The following UBE3C variants were observed in gnomAD, a reference collection of about 807,000 sequenced individuals.
UBE3C encodes ubiquitin protein ligase E3C.
Under a neutral mutation model 129.4 loss-of-function variants are expected in UBE3C, and 42 were observed. The ratio of observed to expected loss-of-function variants is 0.32; its 90% CI spans 0.25 to 0.42. The LOEUF is 0.42. Ranked by LOEUF, UBE3C falls within the 10% of genes least tolerant of loss-of-function variation. The pLI is 1.00. For missense variants in UBE3C, 1,049 were observed against 1,319.1 expected (o/e 0.80, Z 3.17); for synonymous variants, 510 against 492.4 (o/e 1.04, Z -0.47).
chr7:157,234,005 C>T (rs1321777985), intron 18 of UBE3C, among the ~76,000 whole-genome samples: 1 of 152,174 alleles, frequency 6.6e-6, no homozygotes, highest in Non-Finnish European at 1.5e-5. Context: ...TATTCAAGTC[C>T]ATTGCCTATT....
chr7:157,227,320 G>C (rs1045170336), intron 17 of UBE3C, among the ~76,000 whole-genome samples: 2 of 152,092 alleles, frequency 1.3e-5, no homozygotes, highest in African/African-American at 4.8e-5. Flanking sequence ...TGTGGTCAGG[G>C]GTACTTGCAA....
At position 157,207,539 on chromosome 7, in the gene UBE3C, C is replaced by T. The variant is rs780393837; in HGVS notation, c.1560C>T (p.Phe520=). ...SLISIHDNEF[F]GDPIEVVGQR... ...TTTCCATACATGATAACGAATTCTT[C>T]GGTGATCCCATAGAAGGTAAGGATT... The change falls in exon 12 of 23, where the codon TTC becomes TTT. Residue 520 remains phenylalanine (F), a synonymous_variant. Transcript: ENST00000348165. 1.2e-5 allele frequency: 19 copies of T among 1,612,570 alleles called. No homozygotes were observed. The highest frequency in any genetic ancestry group is 8.8e-5 in the South Asian group (8 of 90,512).
chr7:157,157,557 G>A (rs1807945387), intron 1 of UBE3C, among the ~76,000 whole-genome samples: 1 of 151,872 alleles, frequency 6.6e-6, no homozygotes, highest in South Asian at 2.1e-4. Context: ...AAATTCAAAT[G>A]CACATAGCCT....
chr7:157,169,006 A>T (rs1460405066), intron 2 of UBE3C, 42 bp from the exon 3 acceptor site: 1 of 1,525,154 alleles, frequency 6.6e-7, no homozygotes, highest in African/African-American at 1.4e-5. Context: ...TTTTCACTGG[A>T]TTCTGACCAA....
chr7:157,265,589 G>A (rs1452271527), intron 22 of UBE3C, among the ~76,000 whole-genome samples: 2 of 152,128 alleles, frequency 1.3e-5, no homozygotes, highest in African/African-American at 4.8e-5. Flanking sequence ...ACGTCGTGCC[G>A]CGCGTGTGCA....
In UBE3C at chr7:157,183,908, A is replaced by G. The variant is rs1463830996; in HGVS notation, c.1022A>G (p.Tyr341Cys). The G allele has an allele frequency of 6.2e-7, 1 of 1,614,098 alleles. No individual in the cohort carries two copies. The highest frequency in any genetic ancestry group is 1.7e-5 in the Admixed American group (1 of 60,008). The change falls in exon 9 of 23, where the codon TAT becomes TGT. Residue 341 changes from tyrosine to cysteine, a missense_variant. Around this residue, in one of 4 missense-constraint regions of UBE3C, gnomAD observed 489 missense variants for 513.8 expected, o/e 0.95. Coordinates refer to ENST00000348165, the MANE Select transcript of UBE3C (RefSeq NM_014671.3). ...CTCTCTGAGGAAGGGCTGCTGGTGTATTTGCGGGTGCTGCAGACCTTCCTC... is the reference window on the plus strand; with the variant it reads ...CTCTCTGAGGAAGGGCTGCTGGTGTGTTTGCGGGTGCTGCAGACCTTCCTC... ...GALSEEGLLVYLRVLQTFLSQ... is the reference protein window; with the variant it reads ...GALSEEGLLVCLRVLQTFLSQ...
intron 10 of UBE3C, among the ~76,000 whole-genome samples, chr7:157,187,476 G>T (rs1808841028): frequency 6.6e-6 from 1 of 150,722 alleles, no homozygotes; most frequent in Non-Finnish European, 1.5e-5. Flanking sequence ...TCACTTCCTG[G>T]GCTCAAGCGA....
At position 157,201,779 on chromosome 7, in the gene UBE3C, T is replaced by C; in HGVS notation, c.1390T>C (p.Ser464Pro). The change falls in exon 11 of 23, where the codon TCT becomes CCT. Residue 464 changes from serine to proline, a missense_variant. Around this residue, in one of 4 missense-constraint regions of UBE3C, gnomAD observed 314 missense variants for 416.9 expected, o/e 0.75. Coordinates refer to ENST00000348165, the MANE Select transcript of UBE3C (RefSeq NM_014671.3). ...TCTGAGACATCTTTGGTTTCTAATA[T>C]CTTCCATGTCAACACGGATGATCAC... is the stretch of plus-strand genomic sequence containing the variant. Reference protein sequence around the residue: ...RFLRHLWFLISSMSTRMITGS... With the variant: ...RFLRHLWFLIPSMSTRMITGS... The C allele has an allele frequency of 6.2e-7, 1 of 1,612,316 alleles. No homozygotes were observed. The highest frequency in any genetic ancestry group is 8.5e-7 in the Non-Finnish European group (1 of 1,179,358).
chr7:157,245,440 G>T (rs189782019), intron 18 of UBE3C, among the ~76,000 whole-genome samples: 1 of 152,122 alleles, frequency 6.6e-6, no homozygotes, highest in Non-Finnish European at 1.5e-5. Flanking sequence ...CATTCATTTC[G>T]AAGTGATGCC....
chr7:157,217,082 G>A, intron 14 of UBE3C, 111 bp downstream of exon 14: 3 of 797,722 alleles, frequency 3.8e-6, no homozygotes, highest in Non-Finnish European at 5.9e-6. Flanking sequence ...TGACTCATAT[G>A]ACTAAATAGT....
At chr7:157,232,752 TTC>T (rs1414559144) in intron 18 of UBE3C, among the ~76,000 whole-genome samples, 2 of 152,238 alleles carry the variant, frequency 1.3e-5, no homozygotes, top group Non-Finnish European at 2.9e-5. Context: ...GTAATAAAAT[TTC>T]TTTGTCTCAT....
intron 18 of UBE3C, among the ~76,000 whole-genome samples, chr7:157,232,626 A>G (rs1796050727): frequency 6.6e-6 from 1 of 152,250 alleles, no homozygotes; most frequent in South Asian, 2.1e-4. Context: ...TGCTGGGATT[A>G]CAAGCGTGAG....
chr7:157,207,077 A>C (rs189185035), intron 11 of UBE3C, among the ~76,000 whole-genome samples: 60 of 152,310 alleles, frequency 3.9e-4, no homozygotes, highest in African/African-American at 1.4e-3. Flanking sequence ...TGTGTCTTGA[A>C]TAGTGGCCTT....
chr7:157,217,059 A>G, intron 14 of UBE3C, 88 bp downstream of exon 14: 1 of 1,080,422 alleles, frequency 9.3e-7, no homozygotes, highest in Non-Finnish European at 1.3e-6. Flanking sequence ...GCACTTTAAA[A>G]TTATTTATTT....
chr7:157,204,150 A>G (rs1363092301), intron 11 of UBE3C, among the ~76,000 whole-genome samples: 1 of 152,200 alleles, frequency 6.6e-6, no homozygotes, highest in Non-Finnish European at 1.5e-5. Flanking sequence ...AACCATTGTA[A>G]GTCAGGCACC....
At chr7:157,243,110 C>T (rs919896674) in intron 18 of UBE3C, among the ~76,000 whole-genome samples, 29 of 152,068 alleles carry the variant, frequency 1.9e-4, no homozygotes, top group African/African-American at 6.5e-4. Flanking sequence ...TATTGTGGCT[C>T]GATCGCTGGA....
At position 157,184,043 on chromosome 7, in the gene UBE3C, C is replaced by G; in HGVS notation, c.1143+14C>G. 1 of 1,612,168 alleles carries G rather than the reference C, an allele frequency of 6.2e-7. No homozygotes were observed. Among genetic ancestry groups the G allele is most frequent in the Non-Finnish European group, 8.5e-7 (1 of 1,178,692 alleles). On this transcript the variant is annotated intron_variant, in intron 9 of 22. Coordinates refer to ENST00000348165, the MANE Select transcript of UBE3C (RefSeq NM_014671.3). ...CCCTCAAGCCCGGTAAGCCCCGTGC[C>G]CTGCATCTGGGGGGCTGCGATGCAG...
intron 22 of UBE3C, among the ~76,000 whole-genome samples, chr7:157,267,107 A>G (rs900852928): frequency 6.6e-6 from 1 of 152,108 alleles, no homozygotes; most frequent in East Asian, 1.9e-4. Flanking sequence ...GTTAGAACTA[A>G]GCCATCAATG....
In UBE3C at chr7:157,226,404, T is replaced by C. The variant is rs375728319; in HGVS notation, c.2233+865T>C. On this transcript the variant is annotated intron_variant, in intron 17 of 22. Coordinates refer to ENST00000348165, the MANE Select transcript of UBE3C (RefSeq NM_014671.3). ...CTATTAACCTCTAATATATTAGCAG[T>C]TTTAACTTCCAAATATTGTGCTTAT... is the stretch of plus-strand genomic sequence containing the variant. Among the ~76,000 whole-genome samples the C allele has an allele frequency of 1.1e-3, 162 of 152,314 alleles. 2 individuals carry two copies. The highest frequency in any genetic ancestry group is 3.7e-3 in the African/African-American group (154 of 41,564).
Sources: allele counts gnomAD v4.1 joint callset (sites outside exome capture counted in the v4.1 genomes callset), GRCh38; gene constraint gnomAD v4.1.1; regional missense constraint gnomAD v4.1.1; transcripts MANE v1.5; gene names NCBI Gene and HGNC (gene_info 2026-07-23, HGNC 2026-07-21).